The following CNGA1 variants were observed in gnomAD, a reference collection of about 807,000 sequenced individuals.
The protein encoded by CNGA1 is cyclic nucleotide gated channel subunit alpha 1, also known as cyclic nucleotide-gated channel alpha-1.
CNGA1 carries 53 observed loss-of-function variants against 69.7 expected under a neutral mutation model. The observed-to-expected ratio is 0.76, with a 90% CI of 0.61 to 0.96. The LOEUF is 0.96. CNGA1 is among the 40% of genes least tolerant of loss of function. The probability of loss-of-function intolerance (pLI) is 0.00; values close to 1 mark genes in which losing one functional copy is unlikely to be tolerated. For missense variants in CNGA1, 739 were observed against 811.2 expected, an observed-to-expected ratio of 0.91 and a Z score of 1.08; for synonymous variants, 249 against 283.5, an observed-to-expected ratio of 0.88 and a Z score of 1.22.
intron 2 of CNGA1, among the ~76,000 whole-genome samples, chr4:48,003,661 C>G (rs968216481): frequency 1.3e-5 from 2 of 152,134 alleles, no homozygotes; most frequent in Non-Finnish European, 2.9e-5. Flanking sequence ...ATAATCATAA[C>G]CTAGGAAAAA....
In CNGA1 at chr4:47,937,547, C is replaced by T. The variant is rs1288031179; in HGVS notation, c.935G>A (p.Cys312Tyr). Residue 312 changes from cysteine (C) to tyrosine (Y), a missense_variant, in exon 11 of 11, where the codon TGT becomes TAT. Coordinates refer to ENST00000514170, the MANE Select transcript of CNGA1 (RefSeq NM_001379270.1). ...AGCTTTAGAAATAGAGTAGAACACA[C>T]ATGCATTCCAGTGGATAATGATGAC... The part of the protein sequence containing the change: ...YIVIIIHWNA[C>Y]VFYSISKAIG... The T allele has an allele frequency of 6.2e-7, 1 of 1,614,066 alleles. No homozygotes were observed. The highest frequency in any genetic ancestry group is 8.5e-7 in the Non-Finnish European group (1 of 1,180,044).
chr4:48,000,523 C>G (rs1171099829), intron 2 of CNGA1, among the ~76,000 whole-genome samples: 2 of 152,122 alleles, frequency 1.3e-5, no homozygotes. Context: ...GCATGTGCCA[C>G]CACCCCAGCT....
intron 6 of CNGA1, among the ~76,000 whole-genome samples, chr4:47,946,355 C>T (rs546807780): frequency 6.6e-6 from 1 of 152,316 alleles, no homozygotes; most frequent in East Asian, 1.9e-4. Context: ...ACCTAAGGTT[C>T]TGGGTCAGTC....
intron 2 of CNGA1, among the ~76,000 whole-genome samples, chr4:48,003,849 G>T (rs1318497368): frequency 6.6e-6 from 1 of 152,160 alleles, no homozygotes; most frequent in African/African-American, 2.4e-5. Flanking sequence ...GGTAGCATTA[G>T]TGTCAAGGAA....
At chr4:47,980,734 A>G (rs1460458344) in intron 3 of CNGA1, among the ~76,000 whole-genome samples, 3 of 152,096 alleles carry the variant, frequency 2.0e-5, no homozygotes, top group Admixed American at 2.0e-4. Flanking sequence ...CCAGCCTCCC[A>G]GAGTGCTGGG....
intron 2 of CNGA1, among the ~76,000 whole-genome samples, chr4:47,997,894 C>A (rs529235963): frequency 6.6e-6 from 1 of 152,268 alleles, no homozygotes; most frequent in Admixed American, 6.5e-5. Context: ...ATAAACCTAT[C>A]ATAAATTGAA....
chr4:48,016,457 CCACTCCACTCA>C lies in CNGA1; in HGVS notation c.-223+15_-223+25del. 1 of 287,480 alleles carries C rather than the reference CCACTCCACTCA, an allele frequency of 3.5e-6. No homozygotes were observed. Among genetic ancestry groups the C allele is most frequent in the Non-Finnish European group, 6.5e-6 (1 of 154,212 alleles). 17.8% of individuals were successfully genotyped at this position (287,480 alleles called of 1,614,324 possible). On this transcript the variant is annotated intron_variant, in intron 1 of 10. Coordinates refer to ENST00000514170, the MANE Select transcript of CNGA1 (RefSeq NM_001379270.1). ...CCAGAAGGGGGCCTCAGTGCAGCCTCCACTCCACTCAATTCCCGGAGTTACCTTGGCGGGCT... is the reference window on the plus strand; with the variant it reads ...CCAGAAGGGGGCCTCAGTGCAGCCTCATTCCCGGAGTTACCTTGGCGGGCT...
chr4:47,971,809 A>G (rs1741058013), intron 3 of CNGA1, among the ~76,000 whole-genome samples: 1 of 152,052 alleles, frequency 6.6e-6, no homozygotes, highest in Non-Finnish European at 1.5e-5. Context: ...CAGGAGAATC[A>G]CTTGAACCTG....
At chr4:48,008,310 C>T (rs1186073459) in intron 2 of CNGA1, among the ~76,000 whole-genome samples, 1 of 151,994 alleles carries the variant, frequency 6.6e-6, no homozygotes, top group Non-Finnish European at 1.5e-5. Flanking sequence ...CTAAATTTAC[C>T]ATGTAATATT....
rs188787850 is a variant in CNGA1, at chr4:48,008,317, T to C, written c.-123+2477A>G. 5.3e-4 allele frequency among the ~76,000 whole-genome samples: 81 copies of C among 152,294 alleles called. 2 individuals carry two copies. The highest frequency in any genetic ancestry group is 1.9e-3 in the African/African-American group (79 of 41,574). On this transcript the variant is annotated intron_variant, in intron 2 of 10. Transcript: ENST00000514170. ...TTCTAGGTCTAAATTTACCATGTAATATTCTTTCTCATATAAAATTATTTC... is the reference window on the plus strand; with the variant it reads ...TTCTAGGTCTAAATTTACCATGTAACATTCTTTCTCATATAAAATTATTTC...
At position 47,936,379 on chromosome 4, in the gene CNGA1, G is replaced by A; in HGVS notation, c.*42C>T. The A allele has an allele frequency of 1.3e-6, 2 of 1,594,928 alleles. No individual in the cohort carries two copies. The highest frequency in any genetic ancestry group is 1.7e-6 in the Non-Finnish European group (2 of 1,162,700). ...GTTGATGTCAGTCATAGGATCAAAA[G>A]GATCATGAGGCATGTCCCTGTTAAT... On this transcript the variant is annotated 3_prime_UTR_variant, in exon 11 of 11. Transcript: ENST00000514170.
At position 47,971,097 on chromosome 4, in the gene CNGA1, C is replaced by T. The variant is rs145846303; in HGVS notation, c.-15+10296G>A. ...TCCAGCCTGGGCGAAGAGCGAGACTCCATCTAAAAAAAAAAAATACAGTAT... is the reference window on the plus strand; with the variant it reads ...TCCAGCCTGGGCGAAGAGCGAGACTTCATCTAAAAAAAAAAAATACAGTAT... On this transcript the variant is annotated intron_variant, in intron 3 of 10. Transcript: ENST00000514170. 8.3e-3 allele frequency: 3,726 copies of T among 450,336 alleles called. 26 individuals carry two copies. The highest frequency in any genetic ancestry group is 0.012 in the Non-Finnish European group (2,662 of 225,118). The allele number at this position is 450,336 out of a possible 1,614,324, so 27.9% of individuals were successfully genotyped here. A position where few individuals can be genotyped will look rare whatever the true frequency, so the allele number is the denominator to read the frequency against.
Position 47,947,542 on chromosome 4 carries a change from C to T in CNGA1, c.287+2291G>A, listed in dbSNP as rs192557886. Among the ~76,000 whole-genome samples the T allele has an allele frequency of 6.6e-4, 101 of 152,088 alleles. 1 individual carries two copies. The highest frequency in any genetic ancestry group is 2.2e-3 in the African/African-American group (90 of 41,494). ...AAAATTAGCCAGGCGTGGTGGCTCA[C>T]GCCTGTAATCCCAGCTACTTGGGAG... On this transcript the variant is annotated intron_variant, in intron 6 of 10. Coordinates refer to ENST00000514170, the MANE Select transcript of CNGA1 (RefSeq NM_001379270.1).
intron 3 of CNGA1, among the ~76,000 whole-genome samples, chr4:47,980,926 G>A (rs950303264): frequency 6.5e-4 from 22 of 33,960 alleles, no homozygotes; most frequent in Middle Eastern, 0.013. Flanking sequence ...CTCTGAAAGG[G>A]GATATGCAGG....
chr4:47,942,300 T>C (rs370981126), intron 8 of CNGA1, 152 bp from the exon 9 acceptor site: 3 of 645,676 alleles, frequency 4.6e-6, no homozygotes, highest in African/African-American at 3.7e-5. Context: ...TAGCATGGCA[T>C]AAGAGCACTA....
In CNGA1 at chr4:47,942,036, G is replaced by A. The variant is rs199766817; in HGVS notation, c.545+5C>T. On this transcript the variant is annotated splice_donor_5th_base_variant and intron_variant, in intron 9 of 10. Coordinates refer to ENST00000514170, the MANE Select transcript of CNGA1 (RefSeq NM_001379270.1). Reference sequence around the variant, plus strand: ...ACAAAAAAAAAAAAAAAAAATTATAGACACCTGGCAATAACCATTGTCCAG... The same window carrying A: ...ACAAAAAAAAAAAAAAAAAATTATAAACACCTGGCAATAACCATTGTCCAG... 37 of 1,279,078 alleles carry A rather than the reference G, an allele frequency of 2.9e-5. No homozygotes were observed. The East Asian group carries it at 5.4e-4, about 19-fold the overall frequency. The allele number at this position is 1,279,078 out of a possible 1,614,324, so 79.2% of individuals were successfully genotyped here.
intron 2 of CNGA1, among the ~76,000 whole-genome samples, chr4:48,003,213 G>A (rs1173313531): frequency 6.6e-6 from 1 of 152,200 alleles, no homozygotes. Context: ...AAAGCAGGAA[G>A]ATTGGAAGCA....
chr4:47,947,640 A>G (rs1278185472), intron 6 of CNGA1, among the ~76,000 whole-genome samples: 2 of 152,144 alleles, frequency 1.3e-5, no homozygotes, highest in East Asian at 3.9e-4. Context: ...ACTGCGCTCC[A>G]GCACAGGCAA....
intron 3 of CNGA1, among the ~76,000 whole-genome samples, chr4:47,961,359 G>A (rs925398707): frequency 5.9e-5 from 9 of 152,182 alleles, no homozygotes; most frequent in Admixed American, 2.6e-4. Flanking sequence ...TTGGGGTTGG[G>A]GGCTGTGGAA....
Sources: allele counts gnomAD v4.1 joint callset (sites outside exome capture counted in the v4.1 genomes callset), GRCh38; gene constraint gnomAD v4.1.1; transcripts MANE v1.5; gene names NCBI Gene and HGNC (gene_info 2026-07-23, HGNC 2026-07-21).